SIPA1L3: variants seen among roughly 807,000 people sequenced by gnomAD.
SIPA1L3 encodes the protein signal-induced proliferation-associated 1-like protein 3.
SIPA1L3 carries 59 observed loss-of-function variants against 150.1 expected under a neutral mutation model. The observed-to-expected ratio is 0.39, with a 90% confidence interval of 0.32 to 0.49. The LOEUF is 0.49. Among genes scored for constraint, SIPA1L3 ranks in the 20% least tolerant of loss-of-function variants. The pLI is 0.86. For synonymous variants in SIPA1L3, 1,070 were observed against 1,077.6 expected, an observed-to-expected ratio of 0.99 and a Z score of 0.14; for missense variants, 2,211 against 2,489.5, an observed-to-expected ratio of 0.89 and a Z score of 2.38.
intron 12 of SIPA1L3, among the ~76,000 whole-genome samples, chr19:38,148,182 C>A (rs2145952666): frequency 6.6e-6 from 1 of 152,032 alleles, no homozygotes; most frequent in East Asian, 1.9e-4. Flanking sequence ...GAAACCCCTT[C>A]TCTACTAAAA....
chr19:37,936,036 A>C (rs547728738), intron 1 of SIPA1L3, among the ~76,000 whole-genome samples: 14 of 152,212 alleles, frequency 9.2e-5, no homozygotes, highest in Admixed American at 2.6e-4. Context: ...CCTCATATTC[A>C]TAAAATGGTT....
rs1260411000 is a variant in SIPA1L3, at chr19:38,142,610, C to G, written c.3433C>G (p.Pro1145Ala). 6.2e-7 allele frequency: 1 copy of G among 1,613,912 alleles called. No homozygotes were observed. The highest frequency in any genetic ancestry group is 2.2e-5 in the East Asian group (1 of 44,896). The change falls in exon 12 of 22, where the codon CCA (proline) becomes GCA (alanine). Residue 1145 changes from proline (P) to alanine (A), a missense_variant. By Grantham distance (27) the Pro-to-Ala change is conservative. Transcript: ENST00000222345. Reference protein sequence around the residue: ...SFPETPYTVSPAGADRVPPYR... With the variant: ...SFPETPYTVSAAGADRVPPYR... ...CCCAGAAACCCCTTACACAGTATCA[C>G]CAGCAGGGGCCGACAGAGTCCCTCC...
At chr19:38,103,940 A>G (rs1201009228) in intron 6 of SIPA1L3, among the ~76,000 whole-genome samples, 2 of 151,040 alleles carry the variant, frequency 1.3e-5, no homozygotes, top group Non-Finnish European at 2.9e-5. Flanking sequence ...AAAAATATAT[A>G]TATGTATATG....
At chr19:38,201,470 G>A (rs1973085760) in intron 19 of SIPA1L3, among the ~76,000 whole-genome samples, 1 of 152,292 alleles carries the variant, frequency 6.6e-6, no homozygotes, top group East Asian at 1.9e-4. Context: ...CGTGGACCTG[G>A]CGCCAGCCCG....
chr19:38,119,780 C>T lies in SIPA1L3; in HGVS notation c.2766C>T (p.Asp922=). The change falls in exon 9 of 22, where the codon GAC becomes GAT. Residue 922 remains aspartate (D), a synonymous_variant. Transcript: ENST00000222345. The part of the protein sequence containing the change: ...YCGDVIGWTP[D]SSTLKIFYGR... ...GGGATGTCATTGGCTGGACTCCAGA[C>T]TCCTCCACACTCAAAATCTTCTATG... The T allele has an allele frequency of 6.2e-7, 1 of 1,613,944 alleles. No homozygotes were observed. The highest frequency in any genetic ancestry group is 8.5e-7 in the Non-Finnish European group (1 of 1,180,030).
At chr19:37,955,013 G>T (rs1047308767) in intron 1 of SIPA1L3, among the ~76,000 whole-genome samples, 7 of 151,432 alleles carry the variant, frequency 4.6e-5, no homozygotes, top group African/African-American at 1.7e-4. Flanking sequence ...CTTGAACACA[G>T]GAGGCGGGGG....
intron 1 of SIPA1L3, among the ~76,000 whole-genome samples, chr19:37,984,982 A>G (rs1568489172): frequency 1.3e-5 from 2 of 152,222 alleles, no homozygotes; most frequent in Admixed American, 1.3e-4. Flanking sequence ...GCAGCAGAGA[A>G]GACAGACCTA....
intron 15 of SIPA1L3, among the ~76,000 whole-genome samples, chr19:38,176,685 A>C (rs2146010800): frequency 6.6e-6 from 1 of 152,150 alleles, no homozygotes; most frequent in East Asian, 1.9e-4. Context: ...CAAACATACC[A>C]CTTAGGCCAG....
At chr19:38,052,676 T>G (rs1969223869) in intron 2 of SIPA1L3, among the ~76,000 whole-genome samples, 1 of 152,250 alleles carries the variant, frequency 6.6e-6, no homozygotes, top group African/African-American at 2.4e-5. Flanking sequence ...CCTCATTTAG[T>G]GACAGGCACC....
chr19:38,025,227 C>T (rs965556002), intron 1 of SIPA1L3, among the ~76,000 whole-genome samples: 8 of 152,230 alleles, frequency 5.3e-5, no homozygotes, highest in Non-Finnish European at 1.2e-4. Context: ...ACGCCTTTCC[C>T]CCTTACATTA....
intron 13 of SIPA1L3, among the ~76,000 whole-genome samples, chr19:38,160,305 C>T (rs1287992393): frequency 6.6e-6 from 1 of 152,018 alleles, no homozygotes; most frequent in African/African-American, 2.4e-5. Context: ...TGAGCCACCG[C>T]ACCTGGCCAA....
chr19:38,081,674 TTGGGATTCTGG>T lies in SIPA1L3; in HGVS notation c.110_120del (p.Leu37CysfsTer140). On this transcript the variant is annotated frameshift_variant, in exon 3 of 22. Transcript: ENST00000222345. LOFTEE classifies it high-confidence loss of function. ...GCCACACACAGGGGACTACGCTCCC[TTGGGATTCTGG>T]GCCCAGAATGGCAGCATGTCCCAGC... The T allele has an allele frequency of 6.2e-7, 1 of 1,612,388 alleles. No individual in the cohort carries two copies. Among genetic ancestry groups the T allele is most frequent in the Non-Finnish European group, 8.5e-7 (1 of 1,179,836 alleles).
At chr19:38,073,743 T>C (rs577451872) in intron 2 of SIPA1L3, among the ~76,000 whole-genome samples, 118 of 152,294 alleles carry the variant, frequency 7.7e-4, no homozygotes, top group Admixed American at 2.4e-3. Flanking sequence ...CAAAAGTCAC[T>C]GCACAGGAGA....
chr19:38,147,305 C>T (rs8101826), intron 12 of SIPA1L3, among the ~76,000 whole-genome samples: 100,890 of 152,062 alleles, frequency 0.66, 35,090 homozygotes, highest in African/African-American at 0.88. Context: ...AATCAAGTGA[C>T]TCTCCTGCCT....
chr19:38,152,853 C>G lies in SIPA1L3; in HGVS notation c.3547C>G (p.Pro1183Ala), dbSNP rs767998099. 1.9e-6 allele frequency: 3 copies of G among 1,612,108 alleles called. No individual in the cohort carries two copies. The highest frequency in any genetic ancestry group is 2.5e-6 in the Non-Finnish European group (3 of 1,179,086). Residue 1183 changes from proline (P) to alanine (A), a missense_variant, in exon 13 of 22, where the codon CCA becomes GCA. Pro to Ala is a conservative substitution (Grantham distance 27). This residue lies in a region of SIPA1L3 where 806 missense variants were observed against 870.1 expected (regional missense o/e 0.93). Coordinates refer to ENST00000222345, the MANE Select transcript of SIPA1L3 (RefSeq NM_015073.3). ...KPSPERYTAA[P>A]HPLLSLDPHF... ...CATCCCCTGCAGGTACACGGCTGCC[C>G]CACACCCCCTGCTATCTCTTGATCC...
intron 8 of SIPA1L3, among the ~76,000 whole-genome samples, chr19:38,114,686 C>T (rs998751629): frequency 4.6e-5 from 7 of 152,198 alleles, no homozygotes; most frequent in African/African-American, 1.7e-4. Context: ...AAACCTGTTT[C>T]GTCTGTCCAT....
chr19:37,956,426 T>C (rs1297416092), intron 1 of SIPA1L3, among the ~76,000 whole-genome samples: 1 of 152,132 alleles, frequency 6.6e-6, no homozygotes, highest in East Asian at 1.9e-4. Flanking sequence ...AGTTTGCAAA[T>C]ATTTTTTCCC....
At chr19:38,202,561 C>T (rs1905868533) in intron 20 of SIPA1L3, among the ~76,000 whole-genome samples, 2 of 152,124 alleles carry the variant, frequency 1.3e-5, no homozygotes. Flanking sequence ...GCACTCCAGC[C>T]TGGGCCACAG....
chr19:37,993,579 A>C (rs1356050544), intron 1 of SIPA1L3, among the ~76,000 whole-genome samples: 2 of 152,134 alleles, frequency 1.3e-5, no homozygotes, highest in East Asian at 1.9e-4. Context: ...AAGCATCATA[A>C]GTGGAAAGTG....
Sources: allele counts gnomAD v4.1 joint callset (sites outside exome capture counted in the v4.1 genomes callset), GRCh38; gene constraint gnomAD v4.1.1; regional missense constraint gnomAD v4.1.1; transcripts MANE v1.5; gene names NCBI Gene and HGNC (gene_info 2026-07-23, HGNC 2026-07-21).